The following HCFC1 variants were observed in gnomAD, a reference collection of about 807,000 sequenced individuals.
HCFC1 encodes the protein host cell factor 1.
HCFC1 carries 7 observed loss-of-function variants against 105.5 expected under a neutral mutation model. That is an observed-to-expected ratio of 0.07 (90% confidence interval 0.04 to 0.12). The LOEUF (loss-of-function observed/expected upper bound fraction) is 0.12, where lower values mean the gene tolerates loss of function less well. Among genes scored for constraint, HCFC1 ranks in the 10% least tolerant of loss-of-function variants. The probability of loss-of-function intolerance (pLI) is 1.00; values close to 1 mark genes in which losing one functional copy is unlikely to be tolerated. For missense variants in HCFC1, 1,065 were observed against 1,823.6 expected, an observed-to-expected ratio of 0.58 and a Z score of 7.58; for synonymous variants, 918 against 828.1, an observed-to-expected ratio of 1.11 and a Z score of -1.86.
intron 1 of HCFC1, among the ~76,000 whole-genome samples, chrX:153,968,250 A>G (rs2065491109): frequency 9.0e-6 from 1 of 111,409 alleles, no homozygotes; most frequent in Non-Finnish European, 1.9e-5. Context: ...CTACCCTAAG[A>G]GCTCTCAAAG....
chrX:153,955,315 C>T lies in HCFC1; in HGVS notation c.3084G>A (p.Thr1028=), dbSNP rs1430124891. Residue 1028 remains threonine, a synonymous_variant, in exon 17 of 26, where the codon ACG becomes ACA. Transcript: ENST00000310441. ...CETHETGTTN[T]ATTTVVANLG... is the part of the protein sequence containing the mutation. The stretch of plus-strand genomic sequence containing the variant: ...GGTTAGCCACAACAGTAGTGGTGGC[C>T]GTGTTGGTGGTGCCAGTCTCGTGGG... The T allele has an allele frequency of 6.8e-6, 8 of 1,181,626 alleles. No homozygotes were observed. Among genetic ancestry groups the T allele is most frequent in the East Asian group, 3.1e-5 (1 of 32,009 alleles).
In HCFC1 at chrX:153,948,995, C is replaced by T. The variant is rs782269938; in HGVS notation, c.*352G>A. On this transcript the variant is annotated 3_prime_UTR_variant, in exon 26 of 26. Coordinates refer to ENST00000310441, the MANE Select transcript of HCFC1 (RefSeq NM_005334.3). ...CTTTCCTCCCCTCCATGCCTGCCCC[C>T]GACCTGGCCCTCAGGAACGCACAGC... The T allele has an allele frequency of 4.5e-4, 61 of 136,412 alleles. No individual in the cohort carries two copies. The highest frequency in any genetic ancestry group is 1.4e-3 in the South Asian group (4 of 2,873). The allele number at this position is 136,412 out of a possible 1,213,427, so 11.2% of individuals were successfully genotyped here.
chrX:153,951,116 G>A lies in HCFC1; in HGVS notation c.5518-118C>T, dbSNP rs2065306507. Reference sequence around the variant, plus strand: ...GAGGGAAAAGAGGTCAGCGGTGGCTGGCCCCTCACGGCAAGGAGGGACGTG... The same window carrying A: ...GAGGGAAAAGAGGTCAGCGGTGGCTAGCCCCTCACGGCAAGGAGGGACGTG... On this transcript the variant is annotated intron_variant, in intron 22 of 25. Coordinates refer to ENST00000310441, the MANE Select transcript of HCFC1 (RefSeq NM_005334.3). 3 of 751,073 alleles carry A rather than the reference G, an allele frequency of 4.0e-6. No individual in the cohort carries two copies. The East Asian group carries it at 9.5e-5, about 24-fold the overall frequency. 61.9% of individuals were successfully genotyped at this position (751,073 alleles called of 1,213,427 possible).
At chrX:153,959,264 A>C in intron 9 of HCFC1, 67 bp downstream of exon 9, 6 of 1,093,297 alleles carry the variant, frequency 5.5e-6, no homozygotes, top group Non-Finnish European at 7.4e-6. Flanking sequence ...TGAACCCCTC[A>C]GTACACTTGC....
Position 153,949,275 on chromosome X carries a change from G to A in HCFC1, c.*72C>T. ...GTGCGAATGCTGGGACGGGGTGGGA[G>A]GGGTGGGCCCTGGCGGGTGTTCCTG... On this transcript the variant is annotated 3_prime_UTR_variant, in exon 26 of 26. Coordinates refer to ENST00000310441, the MANE Select transcript of HCFC1 (RefSeq NM_005334.3). 1 of 882,060 alleles carries A rather than the reference G, an allele frequency of 1.1e-6. No homozygotes were observed. Among genetic ancestry groups the A allele is most frequent in the Non-Finnish European group, 1.6e-6 (1 of 606,217 alleles). The allele number at this position is 882,060 out of a possible 1,213,427, so 72.7% of individuals were successfully genotyped here. A position where few individuals can be genotyped will look rare whatever the true frequency, so the allele number is the denominator to read the frequency against.
At position 153,961,527 on chromosome X, in the gene HCFC1, C is replaced by T. The variant is rs1557116912; in HGVS notation, c.904+15G>A. On this transcript the variant is annotated intron_variant, in intron 6 of 25. Coordinates refer to ENST00000310441, the MANE Select transcript of HCFC1 (RefSeq NM_005334.3). ...CAGCCTCCCACAGGCCACTCGGAGC[C>T]CGAGGAGGCCATACCCAGGTTGAGA... 1 of 1,146,588 alleles carries T rather than the reference C, an allele frequency of 8.7e-7. No homozygotes were observed. Among genetic ancestry groups the T allele is most frequent in the Admixed American group, 2.2e-5 (1 of 45,201 alleles). The allele number at this position is 1,146,588 out of a possible 1,213,427, so 94.5% of individuals were successfully genotyped here.
chrX:153,961,697 A>G lies in HCFC1; in HGVS notation c.798-49T>C, dbSNP rs782364493. Reference sequence around the variant, plus strand: ...GGAAAGGATTGTAGAGTTGGTGCCAAGCTAGAGGCCACCTCTGCTACCCCA... The same window carrying G: ...GGAAAGGATTGTAGAGTTGGTGCCAGGCTAGAGGCCACCTCTGCTACCCCA... On this transcript the variant is annotated intron_variant, in intron 5 of 25. Transcript: ENST00000310441. 6.4e-6 allele frequency: 6 copies of G among 935,964 alleles called. No homozygotes were observed. The African/African-American group carries it at 1.1e-4, about 18-fold the overall frequency. 77.1% of individuals were successfully genotyped at this position (935,964 alleles called of 1,213,427 possible).
At chrX:153,969,026 G>GA (rs2065499557) in intron 1 of HCFC1, among the ~76,000 whole-genome samples, 1 of 112,280 alleles carries the variant, frequency 8.9e-6, no homozygotes, top group Non-Finnish European at 1.9e-5. Context: ...GACCTGGAAC[G>GA]AAAAACGGTC....
rs782697350 is a variant in HCFC1, at chrX:153,950,882, G to A, written c.5634C>T (p.Ser1878=). ...GINACGRGPF[S]EISAFKTCLP... Reference sequence around the variant, plus strand: ...GGCACGTCTTAAAGGCTGAGATTTCGCTGAAGGGCCCCCGGCCACAGGCAT... The same window carrying A: ...GGCACGTCTTAAAGGCTGAGATTTCACTGAAGGGCCCCCGGCCACAGGCAT... The change falls in exon 23 of 26, where the codon AGC becomes AGT. Residue 1878 remains serine, a synonymous_variant. Transcript: ENST00000310441. 6.6e-6 allele frequency: 8 copies of A among 1,208,705 alleles called. No homozygotes were observed. The African/African-American group carries it at 7.0e-5, about 11-fold the overall frequency.
intron 22 of HCFC1, 32 bp downstream of exon 22, chrX:153,951,318 A>T: frequency 8.3e-7 from 1 of 1,205,983 alleles, no homozygotes; most frequent in Non-Finnish European, 1.1e-6. Flanking sequence ...AGACCCACCC[A>T]CCTGAGGACA....
At chrX:153,955,958 C>T (rs1169858425) in intron 16 of HCFC1, among the ~76,000 whole-genome samples, 2 of 113,309 alleles carry the variant, frequency 1.8e-5, no homozygotes, top group South Asian at 7.1e-4. Context: ...GAGGAAGAAC[C>T]CGGTGTTCAA....
At position 153,952,789 on chromosome X, in the gene HCFC1, G is replaced by C. The variant is rs782115386; in HGVS notation, c.4667C>G (p.Ser1556Cys). The C allele has an allele frequency of 2.3e-5, 28 of 1,206,045 alleles. No homozygotes were observed. The highest frequency in any genetic ancestry group is 3.1e-5 in the Non-Finnish European group (28 of 892,972). Residue 1556 changes from serine (S) to cysteine (C), a missense_variant, in exon 19 of 26, where the codon TCT becomes TGT. Physicochemically the swap from Ser to Cys is moderately radical, Grantham distance 112. Around this residue, in one of 17 missense-constraint regions of HCFC1, gnomAD observed 546 missense variants for 599.9 expected, o/e 0.91. Transcript: ENST00000310441. ...AVDLSSTGEP[S>C]SGQESAGSAV... ...AGAGCCGGCAGACTCCTGGCCCGAA[G>C]ATGGCTCCCCTGTGCTGCTCAGATC...
In HCFC1 at chrX:153,947,606, C is replaced by T. The variant is rs782579113; in HGVS notation, c.*1741G>A. ...TGTTCAAAATAGCACAAAACGACAT[C>T]GCACTATGGTAATATTGAGTCACAG... On this transcript the variant is annotated 3_prime_UTR_variant, in exon 26 of 26. Coordinates refer to ENST00000310441, the MANE Select transcript of HCFC1 (RefSeq NM_005334.3). 8.9e-6 allele frequency: 1 copy of T among 112,149 alleles called. No homozygotes were observed. The highest frequency in any genetic ancestry group is 3.2e-5 in the African/African-American group (1 of 30,832). The allele number at this position is 112,149 out of a possible 1,213,427, so 9.2% of individuals were successfully genotyped here. A position where few individuals can be genotyped will look rare whatever the true frequency, so the allele number is the denominator to read the frequency against.
rs1271763206 is a variant in HCFC1, at chrX:153,959,481, A to G, written c.1455T>C (p.Ala485=). The G allele has an allele frequency of 1.4e-5, 17 of 1,210,372 alleles. No individual in the cohort carries two copies. The highest frequency in any genetic ancestry group is 2.2e-5 in the Admixed American group (1 of 45,829). ...PTAARTQGVP[A]VLKVTGPQAT... ...CCTGAGGACCGGTCACTTTGAGAAC[A>G]GCAGGGACACCTGATGAGAGAAGGG... Residue 485 remains alanine (A), a synonymous_variant, in exon 9 of 26, where the codon GCT becomes GCC. Coordinates refer to ENST00000310441, the MANE Select transcript of HCFC1 (RefSeq NM_005334.3).
intron 18 of HCFC1, 133 bp downstream of exon 18, chrX:153,953,474 C>A: frequency 1.6e-6 from 1 of 627,841 alleles, no homozygotes; most frequent in Non-Finnish European, 2.4e-6. Context: ...CCGAGGCTGC[C>A]CTTTTATGGT....
chrX:153,965,656 C>T (rs1394623830), intron 1 of HCFC1, among the ~76,000 whole-genome samples: 2 of 112,374 alleles, frequency 1.8e-5, no homozygotes, highest in South Asian at 3.7e-4. Flanking sequence ...AGCAAGCAGA[C>T]GGCAGAAGGA....
rs2065329849 is a variant in HCFC1, at chrX:153,952,993, G to A, written c.4498-35C>T. The stretch of plus-strand genomic sequence containing the variant: ...GTCAACAGCAGAGAAGGGCATGTCA[G>A]AAGTTTCTGTGTTGGCTATGGTCAC... On this transcript the variant is annotated intron_variant, in intron 18 of 25. Coordinates refer to ENST00000310441, the MANE Select transcript of HCFC1 (RefSeq NM_005334.3). 5.4e-6 allele frequency: 6 copies of A among 1,107,707 alleles called. No individual in the cohort carries two copies. In the East Asian group the frequency reaches 1.6e-4, roughly 30 times the overall value. The allele number at this position is 1,107,707 out of a possible 1,213,427, so 91.3% of individuals were successfully genotyped here. A position where few individuals can be genotyped will look rare whatever the true frequency, so the allele number is the denominator to read the frequency against.
chrX:153,953,007 G>A lies in HCFC1; in HGVS notation c.4498-49C>T, dbSNP rs1284271699. The A allele has an allele frequency of 5.7e-6, 6 of 1,047,782 alleles. No individual in the cohort carries two copies. The Admixed American group carries it at 1.3e-4, about 23-fold the overall frequency. 86.3% of individuals were successfully genotyped at this position (1,047,782 alleles called of 1,213,427 possible). A position where few individuals can be genotyped will look rare whatever the true frequency, so the allele number is the denominator to read the frequency against. ...AGGGCATGTCAGAAGTTTCTGTGTT[G>A]GCTATGGTCACTGTTATTTTGGCCG... is the stretch of plus-strand genomic sequence containing the variant. On this transcript the variant is annotated intron_variant, in intron 18 of 25. Transcript: ENST00000310441.
intron 16 of HCFC1, among the ~76,000 whole-genome samples, chrX:153,955,795 G>C (rs782144689): frequency 8.8e-6 from 1 of 113,029 alleles, no homozygotes; most frequent in South Asian, 3.6e-4. Context: ...GAAGGCAGGA[G>C]GCTGGCTGAA....
Sources: gnomAD v4.1 joint callset for allele counts (sites outside exome capture counted in the v4.1 genomes callset) on GRCh38, gnomAD v4.1.1 for gene constraint, gnomAD v4.1.1 regional missense constraint, MANE v1.5 for transcripts, NCBI Gene and HGNC (gene_info 2026-07-23, HGNC 2026-07-21) for gene names.